Variants in PCDHGA10 observed in about 807,000 individuals in gnomAD.
The protein encoded by PCDHGA10 is protocadherin gamma subfamily A, 10.
In PCDHGA10, 42 loss-of-function variants were observed where a neutral mutation model predicts 59.5. The observed-to-expected ratio is 0.71, with a 90% confidence interval of 0.55 to 0.91. PCDHGA10 has a LOEUF of 0.91. PCDHGA10 is among the 40% of genes least tolerant of loss of function. The pLI, the probability that PCDHGA10 is intolerant of heterozygous loss-of-function variation, is 0.00. For synonymous variants in PCDHGA10, 511 were observed against 517.2 expected, an observed-to-expected ratio of 0.99 and a Z score of 0.16; for missense variants, 1,111 against 1,198.2, an observed-to-expected ratio of 0.93 and a Z score of 1.07.
intron 1 of PCDHGA10, chr5:141,418,417 T>G: frequency 6.2e-7 from 1 of 1,614,002 alleles, no homozygotes; most frequent in Non-Finnish European, 8.5e-7. Flanking sequence ...AAGACAATCC[T>G]GATGGTGGCA....
chr5:141,489,150 TAA>T lies in PCDHGA10; in HGVS notation c.2437-5656_2437-5655del. 1.2e-6 allele frequency: 1 copy of T among 862,654 alleles called. No homozygotes were observed. Among genetic ancestry groups the T allele is most frequent in the Non-Finnish European group, 1.7e-6 (1 of 575,074 alleles). The allele number at this position is 862,654 out of a possible 1,614,324, so 53.4% of individuals were successfully genotyped here. On this transcript the variant is annotated intron_variant, in intron 1 of 3. Coordinates refer to ENST00000398610, the MANE Select transcript of PCDHGA10 (RefSeq NM_018913.3). This position sits in a 1 kb window ranked among gnomAD's most constrained non-coding sequence, Gnocchi z 4.5. ...GTTTTTAAGAGGCTGGAAGGAGACA[TAA>T]GAGACTTCAGCTGCTGCATTCCAAG... is the stretch of plus-strand genomic sequence containing the variant.
At position 141,489,800 on chromosome 5, in the gene PCDHGA10, A is replaced by T. The variant is rs2099692478; in HGVS notation, c.2437-5007A>T. 1 of 1,614,166 alleles carries T rather than the reference A, an allele frequency of 6.2e-7. No homozygotes were observed. Among genetic ancestry groups the T allele is most frequent in the Non-Finnish European group, 8.5e-7 (1 of 1,179,994 alleles). On this transcript the variant is annotated intron_variant, in intron 1 of 3. Coordinates refer to ENST00000398610, the MANE Select transcript of PCDHGA10 (RefSeq NM_018913.3). This position sits in a 1 kb window ranked among gnomAD's most constrained non-coding sequence, Gnocchi z 4.5. ...TCTCTGAATGTGAAGACCCTAAAAG[A>T]TGGGAAGCCATTCCCAGAGCTGGTG...
intron 1 of PCDHGA10, chr5:141,419,816 C>T (rs910172118): frequency 1.2e-6 from 2 of 1,614,058 alleles, no homozygotes; most frequent in Non-Finnish European, 8.5e-7. Context: ...AGGACAGCCA[C>T]CCCTTTCAGC....
chr5:141,418,013 A>C (rs769578436), intron 1 of PCDHGA10: 2 of 1,613,906 alleles, frequency 1.2e-6, no homozygotes, highest in African/African-American at 2.7e-5. Flanking sequence ...GAACCTCGCT[A>C]AGGATCTAGG....
rs61612330 is a variant in PCDHGA10, at chr5:141,454,796, A to ATTTTTTTTTTTTTTTTTTTTTTTTTT, written c.2436+39189_2436+39214dup. Among the ~76,000 whole-genome samples, 3 of 77,456 alleles carry ATTTTTTTTTTTTTTTTTTTTTTTTTT rather than the reference A, an allele frequency of 3.9e-5. 1 individual carries two copies. The highest frequency in any genetic ancestry group is 1.2e-4 in the African/African-American group (2 of 16,882). 50.8% of individuals were successfully genotyped at this position (77,456 alleles called of 152,430 possible). A position where few individuals can be genotyped will look rare whatever the true frequency, so the allele number is the denominator to read the frequency against. On this transcript the variant is annotated intron_variant, in intron 1 of 3. Transcript: ENST00000398610. Reference sequence around the variant, plus strand: ...AAGGAAATAATCCTCCATGGTTCTAATTTTTTTTTTTTTTTTTTTTTTTTT... The same window carrying ATTTTTTTTTTTTTTTTTTTTTTTTTT: ...AAGGAAATAATCCTCCATGGTTCTAATTTTTTTTTTTTTTTTTTTTTTTTTTTTTTTTTTTTTTTTTTTTTTTTTTT...
Position 141,414,904 on chromosome 5 carries a change from A to G in PCDHGA10, c.1729A>G (p.Thr577Ala). Residue 577 changes from threonine to alanine, a missense_variant, in exon 1 of 4, where the codon ACA becomes GCA. Physicochemically the swap from Thr to Ala is moderately conservative, Grantham distance 58 (BLOSUM62 0). Transcript: ENST00000398610. Reference sequence around the variant, plus strand: ...CCCCGCCCTCCCCACAGACGGTTCCACAGGCGTGGAGCTGGCGCCCCGCTC... The same window carrying G: ...CCCCGCCCTCCCCACAGACGGTTCCGCAGGCGTGGAGCTGGCGCCCCGCTC... ...LYPALPTDGS[T>A]GVELAPRSAE... 1.2e-6 allele frequency: 2 copies of G among 1,614,190 alleles called. No individual in the cohort carries two copies. The highest frequency in any genetic ancestry group is 1.7e-6 in the Non-Finnish European group (2 of 1,180,040).
In PCDHGA10 at chr5:141,477,590, C is replaced by T. The variant is rs1465863595; in HGVS notation, c.2437-17217C>T. On this transcript the variant is annotated intron_variant, in intron 1 of 3. Coordinates refer to ENST00000398610, the MANE Select transcript of PCDHGA10 (RefSeq NM_018913.3). This position sits in a 1 kb window ranked among gnomAD's most constrained non-coding sequence, Gnocchi z 4.9. ...CCCCGACGCCCCGCAGAATGCTCGG[C>T]TTTCTTTCTTTCTCTTGGAGCAAGG... The T allele has an allele frequency of 1.2e-6, 2 of 1,614,122 alleles. No individual in the cohort carries two copies. Among genetic ancestry groups the T allele is most frequent in the South Asian group, 2.2e-5 (2 of 91,080 alleles).
chr5:141,442,786 A>T (rs569050347), intron 1 of PCDHGA10, among the ~76,000 whole-genome samples: 12 of 152,308 alleles, frequency 7.9e-5, no homozygotes, highest in African/African-American at 2.6e-4. Context: ...TATATTTTAT[A>T]ATTTTACTTT....
rs772043134 is a variant in PCDHGA10, at chr5:141,432,746, G to A, written c.2436+17135G>A. 1.2e-6 allele frequency: 2 copies of A among 1,614,098 alleles called. No homozygotes were observed. Among genetic ancestry groups the A allele is most frequent in the East Asian group, 4.5e-5 (2 of 44,860 alleles). On this transcript the variant is annotated intron_variant, in intron 1 of 3. Coordinates refer to ENST00000398610, the MANE Select transcript of PCDHGA10 (RefSeq NM_018913.3). The surrounding 1 kb of genome is among the most constrained non-coding windows in gnomAD (Gnocchi z 6.0). ...CTCCGCCACTGTCACGCTCACCGTGGCCGTGGCCGACAGCATCCCCCAAGT... is the reference window on the plus strand; with the variant it reads ...CTCCGCCACTGTCACGCTCACCGTGACCGTGGCCGACAGCATCCCCCAAGT...
chr5:141,480,240 C>CAA (rs11374694), intron 1 of PCDHGA10, among the ~76,000 whole-genome samples: 156 of 114,060 alleles, frequency 1.4e-3, no homozygotes, highest in Admixed American at 4.6e-3. Flanking sequence ...CCTGTCTCTA[C>CAA]AAAAAAAAAA....
intron 1 of PCDHGA10, among the ~76,000 whole-genome samples, chr5:141,443,008 T>C (rs2098358096): frequency 1.3e-5 from 2 of 152,220 alleles, no homozygotes; most frequent in Admixed American, 1.3e-4. Context: ...TCTAAGAATA[T>C]GACTAATGGA....
intron 1 of PCDHGA10, chr5:141,441,037 A>G (rs1318122240): frequency 6.6e-6 from 1 of 152,194 alleles, no homozygotes; most frequent in Admixed American, 6.5e-5. Context: ...GAAAACTTTA[A>G]GTACATTGGA....
rs756658304 is a variant in PCDHGA10, at chr5:141,485,531, G to C, written c.2437-9276G>C. 6.8e-6 allele frequency: 11 copies of C among 1,614,218 alleles called. No homozygotes were observed. In the Admixed American group the frequency reaches 1.5e-4, roughly 22 times the overall value. On this transcript the variant is annotated intron_variant, in intron 1 of 3. Transcript: ENST00000398610. This position sits in a 1 kb window ranked among gnomAD's most constrained non-coding sequence, Gnocchi z 5.7. ...AGGTCCTTTGGAAATGTACCGAGCA[G>C]AGGTAGAGATCGTAGATGTGAATGA... is the stretch of plus-strand genomic sequence containing the variant.
intron 1 of PCDHGA10, chr5:141,475,902 C>A (rs1296545944): frequency 1.7e-6 from 1 of 576,594 alleles, no homozygotes; most frequent in Non-Finnish European, 3.0e-6. Context: ...GTGCCGCTGT[C>A]GGCCAATGAA....
chr5:141,462,122 C>T (rs1437400069), intron 1 of PCDHGA10, among the ~76,000 whole-genome samples: 1 of 152,044 alleles, frequency 6.6e-6, no homozygotes, highest in South Asian at 2.1e-4. Context: ...TGCACCCAGT[C>T]CAATTTTTTG....
intron 1 of PCDHGA10, among the ~76,000 whole-genome samples, chr5:141,436,221 G>C (rs1468526543): frequency 6.6e-6 from 1 of 152,004 alleles, no homozygotes; most frequent in African/African-American, 2.4e-5. Context: ...CAAATGACTT[G>C]GGAAACTAAG....
At chr5:141,427,882 A>G (rs2097084180) in intron 1 of PCDHGA10, 3 of 1,563,878 alleles carry the variant, frequency 1.9e-6, no homozygotes, top group Non-Finnish European at 2.6e-6. Flanking sequence ...ATGCAGGCCC[A>G]CGACCAGGGC....
At chr5:141,471,422 A>T (rs919676109) in intron 1 of PCDHGA10, 5 of 152,176 alleles carry the variant, frequency 3.3e-5, no homozygotes, top group Non-Finnish European at 5.9e-5. Context: ...GTTTTTAGCA[A>T]GGAAAGTGTA....
intron 2 of PCDHGA10, among the ~76,000 whole-genome samples, chr5:141,503,994 A>C (rs1330628079): frequency 6.6e-6 from 1 of 152,158 alleles, no homozygotes; most frequent in Non-Finnish European, 1.5e-5. Context: ...CTTACCTTAC[A>C]GTCACTTAAC....
Sources: gnomAD v4.1 joint callset for allele counts (sites outside exome capture counted in the v4.1 genomes callset) on GRCh38, gnomAD v4.1.1 for gene constraint, Gnocchi (gnomAD v3.1) non-coding constraint, MANE v1.5 for transcripts, NCBI Gene and HGNC (gene_info 2026-07-23, HGNC 2026-07-21) for gene names.